Variants in ZC3H12B observed in about 807,000 individuals in gnomAD.
The protein encoded by ZC3H12B is zinc finger CCCH-type containing 12B, also known as probable ribonuclease ZC3H12B.
Under a neutral mutation model 43.9 loss-of-function variants are expected in ZC3H12B, and 7 were observed. The ratio of observed to expected loss-of-function variants is 0.16; its 90% CI spans 0.09 to 0.30. The LOEUF (loss-of-function observed/expected upper bound fraction) is 0.30, where lower values mean the gene tolerates loss of function less well. Among genes scored for constraint, ZC3H12B ranks in the 10% least tolerant of loss-of-function variants. The probability of loss-of-function intolerance (pLI) is 1.00; values close to 1 mark genes in which losing one functional copy is unlikely to be tolerated. For synonymous variants in ZC3H12B, 222 were observed against 241.7 expected, an observed-to-expected ratio of 0.92 and a Z score of 0.76; for missense variants, 475 against 670.2, an observed-to-expected ratio of 0.71 and a Z score of 3.22.
the ZC3H12B span, among the ~76,000 whole-genome samples, chrX:65,327,787 G>A: frequency 9.0e-6 from 1 of 111,530 alleles, no homozygotes; most frequent in African/African-American, 3.2e-5. Context: ...TACACCACTA[G>A]CAACTTTGAA....
At chrX:65,325,053 T>C in the ZC3H12B span, among the ~76,000 whole-genome samples, 1 of 111,255 alleles carries the variant, frequency 9.0e-6, no homozygotes, top group Non-Finnish European at 1.9e-5. Flanking sequence ...TCTGTGTCTC[T>C]TTTTGCAGTT....
the ZC3H12B span, among the ~76,000 whole-genome samples, chrX:65,152,195 C>G: frequency 1.8e-5 from 2 of 111,554 alleles, no homozygotes; most frequent in Admixed American, 9.6e-5. Flanking sequence ...CCTCTCTCAC[C>G]ACTCCTACTC....
the ZC3H12B span, among the ~76,000 whole-genome samples, chrX:65,322,017 C>T: frequency 9.0e-6 from 1 of 111,196 alleles, no homozygotes; most frequent in African/African-American, 3.3e-5. Context: ...TATAACAAAC[C>T]TGCACATGTA....
At chrX:65,374,433 A>G in intron 2 of ZC3H12B, among the ~76,000 whole-genome samples, 1 of 106,018 alleles carries the variant, frequency 9.4e-6, no homozygotes, top group Admixed American at 1.1e-4. Context: ...ATAAAAGTTG[A>G]AATTTTTAAA....
chrX:65,275,350 G>A, the ZC3H12B span, among the ~76,000 whole-genome samples: 1 of 112,826 alleles, frequency 8.9e-6, no homozygotes, highest in African/African-American at 3.2e-5. Flanking sequence ...AAACAGCCCT[G>A]CAGGCTGCTC....
chrX:65,483,109 T>C (rs1261974422), intron 3 of ZC3H12B, among the ~76,000 whole-genome samples: 1 of 112,021 alleles, frequency 8.9e-6, no homozygotes, highest in Non-Finnish European at 1.9e-5. Flanking sequence ...ATTTTGAGAA[T>C]GCATTGAAGG....
rs894763217 is a variant in ZC3H12B at position 65,381,270 on chromosome X, A to C, written n.295+12272A>C. 4.5e-5 allele frequency among the ~76,000 whole-genome samples: 5 copies of C among 112,059 alleles called. No homozygotes were observed. In the Admixed American group the frequency reaches 4.7e-4, roughly 11 times the overall value. ...CAAACTATCTCTCAGACCACAGTGC[A>C]ATCAAACTAGAACTCAGGATTAAGA... On this transcript the variant is annotated intron_variant and non_coding_transcript_variant, in intron 2 of 5. Transcript: ENST00000617377.
the ZC3H12B span, among the ~76,000 whole-genome samples, chrX:65,251,997 C>T: frequency 1.8e-5 from 2 of 111,915 alleles, no homozygotes; most frequent in Non-Finnish European, 1.9e-5. Flanking sequence ...TGAGAGAGGG[C>T]ATCCCTGTCT....
At chrX:65,167,255 A>C in the ZC3H12B span, among the ~76,000 whole-genome samples, 2 of 111,920 alleles carry the variant, frequency 1.8e-5, no homozygotes, top group African/African-American at 3.3e-5. Flanking sequence ...TCAGCTTTCT[A>C]CATATGGCTA....
In ZC3H12B at chrX:65,398,576, G is replaced by A. The variant is rs921416636; in HGVS notation, n.296-17G>A. 1 of 111,358 alleles carries A rather than the reference G, an allele frequency of 9.0e-6. No homozygotes were observed. 9.2% of individuals were successfully genotyped at this position (111,358 alleles called of 1,213,427 possible). A position where few individuals can be genotyped will look rare whatever the true frequency, so the allele number is the denominator to read the frequency against. On this transcript the variant is annotated splice_polypyrimidine_tract_variant and intron_variant and non_coding_transcript_variant, in intron 2 of 5. Coordinates refer to the ZC3H12B transcript ENST00000617377. Reference sequence around the variant, plus strand: ...CACTTACACCCTCACTCTCTCTCCTGTCCTGCCATTGTGAAGATGTGCATG... The same window carrying A: ...CACTTACACCCTCACTCTCTCTCCTATCCTGCCATTGTGAAGATGTGCATG...
the ZC3H12B span, among the ~76,000 whole-genome samples, chrX:65,068,655 A>T: frequency 8.9e-6 from 1 of 111,831 alleles, no homozygotes; most frequent in Non-Finnish European, 1.9e-5. Flanking sequence ...AGTAGTTTAC[A>T]TATCACTGTG....
the ZC3H12B span, among the ~76,000 whole-genome samples, chrX:65,316,941 G>T: frequency 1.8e-5 from 2 of 111,737 alleles, no homozygotes; most frequent in Non-Finnish European, 3.8e-5. Context: ...AAAGTAATGG[G>T]ATGGAGAAAA....
At chrX:65,417,232 C>T (rs1251114800) in intron 3 of ZC3H12B, among the ~76,000 whole-genome samples, 1 of 111,132 alleles carries the variant, frequency 9.0e-6, no homozygotes, top group Non-Finnish European at 1.9e-5. Context: ...TTTCCTAGAA[C>T]TTTATATAGT....
the ZC3H12B span, among the ~76,000 whole-genome samples, chrX:65,068,528 T>C: frequency 5.3e-5 from 6 of 112,180 alleles, no homozygotes; most frequent in Non-Finnish European, 1.1e-4. Flanking sequence ...TTTGTCCCTC[T>C]GCTTTTTAAC....
At chrX:65,373,945 AG>A (rs1296893065) in intron 2 of ZC3H12B, among the ~76,000 whole-genome samples, 2 of 44,685 alleles carry the variant, frequency 4.5e-5, no homozygotes, top group Non-Finnish European at 5.9e-5. Context: ...ATATATATAT[AG>A]TTATATATAT....
intron 3 of ZC3H12B, among the ~76,000 whole-genome samples, chrX:65,441,090 C>T (rs1314033908): frequency 1.8e-5 from 2 of 111,943 alleles, no homozygotes; most frequent in Non-Finnish European, 3.8e-5. Context: ...AGGGACATAC[C>T]TCAATTTCAT....
the ZC3H12B span, among the ~76,000 whole-genome samples, chrX:65,104,629 T>C: frequency 1.8e-5 from 2 of 112,115 alleles, no homozygotes; most frequent in South Asian, 3.7e-4. Flanking sequence ...AGAAGACATT[T>C]ATGTGGCCAA....
chrX:65,126,485 G>A, the ZC3H12B span, among the ~76,000 whole-genome samples: 360 of 110,903 alleles, frequency 3.2e-3, 1 homozygote, highest in African/African-American at 0.011. Flanking sequence ...CTTTTTGTGA[G>A]GAATTTCCCA....
chrX:65,067,015 G>A, the ZC3H12B span, among the ~76,000 whole-genome samples: 11 of 111,489 alleles, frequency 9.9e-5, no homozygotes, highest in Middle Eastern at 4.7e-3. Context: ...GTTCCAGGTC[G>A]ACTTCAGACT....
Sources: allele counts gnomAD v4.1 joint callset (sites outside exome capture counted in the v4.1 genomes callset), GRCh38; gene constraint gnomAD v4.1.1; transcripts MANE v1.5; gene names NCBI Gene and HGNC (gene_info 2026-07-23, HGNC 2026-07-21).